SPATA22: variants seen among roughly 807,000 people sequenced by gnomAD.
SPATA22 encodes spermatogenesis-associated protein 22.
SPATA22 carries 29 observed loss-of-function variants against 47.8 expected under a neutral mutation model. That is an observed-to-expected ratio of 0.61 (90% CI 0.45 to 0.83). The LOEUF (loss-of-function observed/expected upper bound fraction) is 0.83, where lower values mean the gene tolerates loss of function less well. Among genes scored for constraint, SPATA22 ranks in the 40% least tolerant of loss-of-function variants. The pLI is 0.00. For missense variants in SPATA22, 410 were observed against 421.7 expected (o/e 0.97, Z 0.24); for synonymous variants, 133 against 140.9 (o/e 0.94, Z 0.40).
intron 3 of SPATA22, among the ~76,000 whole-genome samples, chr17:3,465,831 T>A (rs2073297414): frequency 6.6e-6 from 1 of 151,974 alleles, no homozygotes; most frequent in Admixed American, 6.6e-5. Context: ...TCCTATCTCT[T>A]ACCCAATACA....
At chr17:3,446,361 A>T in intron 7 of SPATA22, 111 bp downstream of exon 7, 1 of 1,026,760 alleles carries the variant, frequency 9.7e-7, no homozygotes, top group Non-Finnish European at 1.4e-6. Flanking sequence ...AATACACTTT[A>T]GGGAGTAGCA....
At chr17:3,505,764 T>G (rs1156833220) in intron 1 of SPATA22, among the ~76,000 whole-genome samples, 4 of 23,100 alleles carry the variant, frequency 1.7e-4, no homozygotes, top group Non-Finnish European at 9.2e-4. Flanking sequence ...TTGTTTTTTT[T>G]TTTTTGTTTT....
intron 8 of SPATA22, chr17:3,440,822 T>C (rs1314919356): frequency 6.6e-6 from 1 of 152,144 alleles, no homozygotes; most frequent in Non-Finnish European, 1.5e-5. Flanking sequence ...GAGTCTCAGA[T>C]GAAACCTGGT....
chr17:3,463,268 GT>G (rs869304809), intron 3 of SPATA22, among the ~76,000 whole-genome samples: 1 of 145,310 alleles, frequency 6.9e-6, no homozygotes, highest in African/African-American at 2.5e-5. Context: ...GAAATGCATT[GT>G]TAGGTGAGTT....
intron 1 of SPATA22, among the ~76,000 whole-genome samples, chr17:3,493,724 G>A (rs1391642040): frequency 6.6e-6 from 1 of 152,060 alleles, no homozygotes; most frequent in Admixed American, 6.6e-5. Context: ...TCAAGAAAGC[G>A]AGCCTCAAGA....
rs374813514 is a variant in SPATA22 at position 3,446,293 on chromosome 17, A to T, written c.802+179T>A. On this transcript the variant is annotated intron_variant, in intron 7 of 8. Transcript: ENST00000572969. ...TTATTCTGGTAATTAGAATGTAGAC[A>T]TTTTTAGGGAGCATTATTCTATCTA... Among the ~76,000 whole-genome samples, 117 of 151,960 alleles carry T rather than the reference A, an allele frequency of 7.7e-4. No homozygotes were observed. The South Asian group carries it at 0.024, about 31-fold the overall frequency.
At position 3,462,568 on chromosome 17, in the gene SPATA22, G is replaced by A. The variant is rs1294445116; in HGVS notation, c.244C>T (p.His82Tyr). The A allele has an allele frequency of 6.2e-7, 1 of 1,612,360 alleles. No individual in the cohort carries two copies. The highest frequency in any genetic ancestry group is 8.5e-7 in the Non-Finnish European group (1 of 1,179,088). Residue 82 changes from histidine to tyrosine, a missense_variant, in exon 5 of 9, where the codon CAT becomes TAT. His to Tyr is a moderately conservative substitution (Grantham distance 83). Coordinates refer to ENST00000572969, the MANE Select transcript of SPATA22 (RefSeq NM_001170698.2). ...MKTVDTGQIP[H>Y]SVSRPLRSQD... ...CTTCTCAGAGGACGAGAAACTGAAT[G>A]TGGTATTTGCCTTTCAAGGGAATAT...
intron 1 of SPATA22, among the ~76,000 whole-genome samples, chr17:3,506,296 G>A (rs2074039814): frequency 1.3e-5 from 2 of 152,076 alleles, no homozygotes; most frequent in Non-Finnish European, 1.5e-5. Flanking sequence ...GAAACTCCAG[G>A]GAGGTACCTG....
intron 1 of SPATA22, among the ~76,000 whole-genome samples, chr17:3,479,460 A>C: frequency 6.6e-6 from 1 of 152,214 alleles, no homozygotes; most frequent in East Asian, 1.9e-4. Flanking sequence ...TTAAACAAAT[A>C]AGGGTTTCTT....
intron 7 of SPATA22, among the ~76,000 whole-genome samples, chr17:3,445,527 A>G (rs1172344870): frequency 6.6e-6 from 1 of 152,186 alleles, no homozygotes; most frequent in Non-Finnish European, 1.5e-5. Flanking sequence ...AACGCAGTCA[A>G]GCCCACATGG....
At chr17:3,474,247 CTTTA>C (rs1403262071), upstream of SPATA22, 2 of 152,128 alleles carry the variant, frequency 1.3e-5, no homozygotes, top group Non-Finnish European at 1.5e-5. Flanking sequence ...GTAAGAGAAA[CTTTA>C]TTTATGAATG....
At chr17:3,475,601 T>G (rs944378194), upstream of SPATA22, 1 of 155,222 alleles carries the variant, frequency 6.4e-6, no homozygotes, top group Non-Finnish European at 1.4e-5. Context: ...AGGAGGTCTC[T>G]GAGGGTCAGC....
intron 8 of SPATA22, chr17:3,440,689 C>A: frequency 1.2e-5 from 2 of 166,462 alleles, no homozygotes; most frequent in Non-Finnish European, 1.3e-5. Context: ...AACAGCTCAT[C>A]AGATGACAAT....
chr17:3,452,488 A>G (rs1236732916), intron 5 of SPATA22, among the ~76,000 whole-genome samples: 2 of 152,022 alleles, frequency 1.3e-5, no homozygotes, highest in Non-Finnish European at 2.9e-5. Flanking sequence ...GCTACTCGGG[A>G]GGCTGAGACA....
intron 1 of SPATA22, among the ~76,000 whole-genome samples, chr17:3,508,446 C>G (rs561404496): frequency 6.6e-6 from 1 of 151,476 alleles, no homozygotes. Context: ...AAGACACATG[C>G]ACACGTATGT....
At position 3,450,990 on chromosome 17, in the gene SPATA22, C is replaced by T. The variant is rs62089862; in HGVS notation, c.330-1841G>A. On this transcript the variant is annotated intron_variant, in intron 5 of 8. Transcript: ENST00000572969. ...CTGTGAAGTGCAATAAAGCAAAGTG[C>T]AACATAATAAGGTATGCCTATATGA... Among the ~76,000 whole-genome samples, 721 of 152,196 alleles carry T rather than the reference C, an allele frequency of 4.7e-3. 4 individuals carry two copies. Among genetic ancestry groups the T allele is most frequent in the Non-Finnish European group, 7.8e-3 (533 of 68,004 alleles).
upstream of SPATA22, chr17:3,475,510 C>G (rs574887439): frequency 3.3e-5 from 5 of 152,466 alleles, no homozygotes; most frequent in African/African-American, 7.2e-5. Context: ...GGTAGCTTTT[C>G]GAGTCCCAAG....
intron 1 of SPATA22, chr17:3,481,508 T>C: frequency 8.7e-7 from 1 of 1,147,886 alleles, no homozygotes; most frequent in Non-Finnish European, 1.2e-6. Context: ...TATTAAAGAT[T>C]TGGCGACTGG....
intron 3 of SPATA22, among the ~76,000 whole-genome samples, chr17:3,465,154 T>G (rs1224754151): frequency 8.5e-6 from 1 of 117,470 alleles, no homozygotes. Context: ...GGGAGGGAGG[T>G]GGGGGGGTCA....
Sources: gnomAD v4.1 joint callset for allele counts (sites outside exome capture counted in the v4.1 genomes callset) on GRCh38, gnomAD v4.1.1 for gene constraint, MANE v1.5 for transcripts, NCBI Gene and HGNC (gene_info 2026-07-23, HGNC 2026-07-21) for gene names.